The following DPF3 variants were observed in gnomAD, a reference collection of about 807,000 sequenced individuals.
DPF3 encodes zinc finger protein DPF3.
A neutral mutation model predicts 56.8 loss-of-function variants in DPF3; 18 were observed. That is an observed-to-expected ratio of 0.32 (90% CI 0.22 to 0.47). DPF3 has a LOEUF of 0.47. Among genes scored for constraint, DPF3 ranks in the 20% least tolerant of loss-of-function variants. The pLI is 1.00. For missense variants in DPF3, 403 were observed against 488.8 expected (o/e 0.82, Z 1.65); for synonymous variants, 188 against 180.2 (o/e 1.04, Z -0.35).
In DPF3 at chr14:72,647,964, CCTAT is replaced by C. The variant is rs139342840; in HGVS notation, c.872-18232_872-18229del. On this transcript the variant is annotated intron_variant, in intron 8 of 10. Transcript: ENST00000556509. ...CTCTCACGTCGTCACTGCTCATGCA[CCTAT>C]CTTAGATTCCACATCCAGCCTTGCA... Among the ~76,000 whole-genome samples, 1,268 of 152,276 alleles carry C rather than the reference CCTAT, an allele frequency of 8.3e-3. 15 individuals are homozygous for C. Among genetic ancestry groups the C allele is most frequent in the African/African-American group, 0.028 (1,163 of 41,536 alleles).
intron 1 of DPF3, among the ~76,000 whole-genome samples, chr14:72,794,954 T>C (rs901665099): frequency 6.6e-6 from 1 of 152,084 alleles, no homozygotes; most frequent in Non-Finnish European, 1.5e-5. Context: ...CAGCTCTGAC[T>C]CTGACCGTCC....
chr14:72,684,429 G>A (rs1417640498), intron 7 of DPF3, among the ~76,000 whole-genome samples: 1 of 152,052 alleles, frequency 6.6e-6, no homozygotes, highest in African/African-American at 2.4e-5. Context: ...GGGAGAAAAT[G>A]TAGGGTATAT....
intron 8 of DPF3, among the ~76,000 whole-genome samples, chr14:72,653,272 A>C (rs912516426): frequency 1.3e-5 from 2 of 152,208 alleles, no homozygotes; most frequent in Admixed American, 1.3e-4. Context: ...TTGAGAGTGC[A>C]CTGGTGATTA....
At chr14:72,739,275 C>T (rs1286967039) in intron 3 of DPF3, among the ~76,000 whole-genome samples, 2 of 151,536 alleles carry the variant, frequency 1.3e-5, no homozygotes, top group East Asian at 3.9e-4. Flanking sequence ...CAAAGAAATA[C>T]AGACAACCAG....
intron 1 of DPF3, among the ~76,000 whole-genome samples, chr14:72,782,267 C>T (rs1212675897): frequency 6.6e-6 from 1 of 151,516 alleles, no homozygotes; most frequent in East Asian, 1.9e-4. Context: ...TGCTCTGTTG[C>T]CCAGGCTGGA....
At chr14:72,851,216 A>G (rs1289897523) in intron 1 of DPF3, among the ~76,000 whole-genome samples, 4 of 152,182 alleles carry the variant, frequency 2.6e-5, no homozygotes, top group Non-Finnish European at 5.9e-5. Flanking sequence ...TATGTCCTCA[A>G]TCCCTCATCA....
At chr14:72,821,798 G>C (rs1467817880) in intron 1 of DPF3, among the ~76,000 whole-genome samples, 1 of 152,116 alleles carries the variant, frequency 6.6e-6, no homozygotes, top group Non-Finnish European at 1.5e-5. Context: ...TTGAGGCCAG[G>C]AGTTCAAGAC....
At chr14:72,877,891 C>T (rs955972691) in intron 1 of DPF3, among the ~76,000 whole-genome samples, 1 of 152,212 alleles carries the variant, frequency 6.6e-6, no homozygotes, top group Non-Finnish European at 1.5e-5. Context: ...ATCTGTTATA[C>T]TCAGATGGCT....
chr14:72,695,280 A>C (rs1887855064), intron 6 of DPF3, among the ~76,000 whole-genome samples: 1 of 152,236 alleles, frequency 6.6e-6, no homozygotes, highest in African/African-American at 2.4e-5. Flanking sequence ...TACCCAGCAC[A>C]TAATAGATGT....
At chr14:72,842,770 T>C (rs1884599601) in intron 1 of DPF3, among the ~76,000 whole-genome samples, 1 of 152,162 alleles carries the variant, frequency 6.6e-6, no homozygotes, top group South Asian at 2.1e-4. Context: ...ACACTGGTAA[T>C]CCCAGCACTT....
At chr14:72,664,229 T>C (rs1381512683) in intron 8 of DPF3, among the ~76,000 whole-genome samples, 1 of 152,132 alleles carries the variant, frequency 6.6e-6, no homozygotes, top group Non-Finnish European at 1.5e-5. Flanking sequence ...CCTCTCCCAG[T>C]GCCCTGACCC....
rs201534424 is a variant in DPF3, at chr14:72,612,567, G to T, written c.*6730C>A. ...CACCCCACTCCTTAGCATCTATCAC[G>T]GCAGAGGGAAGGGAGGAAACAGTGC... On this transcript the variant is annotated 3_prime_UTR_variant, in exon 11 of 11. Coordinates refer to ENST00000556509, the MANE Select transcript of DPF3 (RefSeq NM_001280542.3). The T allele has an allele frequency of 1.0e-5, 5 of 478,780 alleles. No individual in the cohort carries two copies. The African/African-American group carries it at 1.5e-4, about 14-fold the overall frequency. The allele number at this position is 478,780 out of a possible 1,614,324, so 29.7% of individuals were successfully genotyped here. A position where few individuals can be genotyped will look rare whatever the true frequency, so the allele number is the denominator to read the frequency against.
chr14:72,742,513 T>G (rs73302114), intron 3 of DPF3: 3,642 of 152,544 alleles, frequency 0.024, 130 homozygotes, highest in African/African-American at 0.083. Flanking sequence ...CTCATCCATC[T>G]GAAGAGCACA....
intron 2 of DPF3, 38 bp downstream of exon 2, chr14:72,771,695 C>G: frequency 3.2e-6 from 5 of 1,585,384 alleles, no homozygotes; most frequent in Non-Finnish European, 4.3e-6. Flanking sequence ...AGGCTGGGAG[C>G]CTGCACATGC....
At chr14:72,804,789 T>C (rs1893024950) in intron 1 of DPF3, among the ~76,000 whole-genome samples, 1 of 152,170 alleles carries the variant, frequency 6.6e-6, no homozygotes, top group Non-Finnish European at 1.5e-5. Context: ...CCTGTGAAAC[T>C]ACTTTCCAGG....
chr14:72,647,359 A>C (rs186991060), intron 8 of DPF3, among the ~76,000 whole-genome samples: 1 of 152,326 alleles, frequency 6.6e-6, no homozygotes, highest in African/African-American at 2.4e-5. Flanking sequence ...TGCAAAGGAC[A>C]TCAATCCATA....
chr14:72,644,240 G>A (rs1034114130), intron 8 of DPF3, among the ~76,000 whole-genome samples: 10 of 152,122 alleles, frequency 6.6e-5, no homozygotes, highest in East Asian at 5.8e-4. Context: ...ACCATCTGGC[G>A]TCGTATTACC....
chr14:72,858,308 CAAA>C (rs34498163), intron 1 of DPF3, among the ~76,000 whole-genome samples: 2 of 119,840 alleles, frequency 1.7e-5, no homozygotes, highest in African/African-American at 6.1e-5. Context: ...GACTCTATCT[CAAA>C]AAAAAAAAAA....
At chr14:72,758,931 C>T (rs915433592) in intron 2 of DPF3, among the ~76,000 whole-genome samples, 1 of 152,058 alleles carries the variant, frequency 6.6e-6, no homozygotes, top group Non-Finnish European at 1.5e-5. Flanking sequence ...GCACCCAACC[C>T]AAAATTACAA....
Sources: gnomAD v4.1 joint callset for allele counts (sites outside exome capture counted in the v4.1 genomes callset) on GRCh38, gnomAD v4.1.1 for gene constraint, MANE v1.5 for transcripts, NCBI Gene and HGNC (gene_info 2026-07-23, HGNC 2026-07-21) for gene names.